CDH12: variants seen among roughly 807,000 people sequenced by gnomAD.
The protein encoded by CDH12 is cadherin 12, also known as cadherin-12.
Under a neutral mutation model 74.1 loss-of-function variants are expected in CDH12, and 41 were observed. That is an observed-to-expected ratio of 0.55 (90% CI 0.43 to 0.72). The LOEUF is 0.72. CDH12 is among the 30% of genes least tolerant of loss of function. CDH12 has a pLI of 0.00. For synonymous variants in CDH12, 399 were observed against 355.0 expected (o/e 1.12, Z -1.39); for missense variants, 945 against 977.2 (o/e 0.97, Z 0.44).
chr5:22,237,261 T>C (rs577007113), intron 3 of CDH12, among the ~76,000 whole-genome samples: 4 of 152,150 alleles, frequency 2.6e-5, no homozygotes, highest in Non-Finnish European at 5.9e-5. Flanking sequence ...TGTTATGTGG[T>C]GCATGACAGT....
chr5:22,848,896 CGTAA>C (rs756208703), intron 1 of CDH12, among the ~76,000 whole-genome samples: 1 of 151,674 alleles, frequency 6.6e-6, no homozygotes, highest in African/African-American at 2.4e-5. Context: ...TTATGCTGTA[CGTAA>C]GTGTGGATTT....
chr5:21,828,821 C>T (rs1235598455), intron 8 of CDH12, among the ~76,000 whole-genome samples: 1 of 151,514 alleles, frequency 6.6e-6, no homozygotes, highest in African/African-American at 2.4e-5. Context: ...CAACCTAAAG[C>T]CACATTTTGA....
In CDH12 at chr5:22,840,802, A is replaced by G. The variant is rs544484037; in HGVS notation, c.-523+12256T>C. 6.6e-4 allele frequency among the ~76,000 whole-genome samples: 101 copies of G among 152,308 alleles called. 1 individual carries two copies. Among genetic ancestry groups the G allele is most frequent in the African/African-American group, 2.1e-3 (87 of 41,562 alleles). On this transcript the variant is annotated intron_variant, in intron 1 of 14. Coordinates refer to ENST00000382254, the MANE Select transcript of CDH12 (RefSeq NM_004061.5). ...AATTTGCATATTAAATAGAGAGGAT[A>G]GCCTTCATAGAGAAGGGGGATTCAA...
At chr5:22,015,014 T>C (rs1737517961) in intron 5 of CDH12, among the ~76,000 whole-genome samples, 1 of 152,124 alleles carries the variant, frequency 6.6e-6, no homozygotes, top group Admixed American at 6.6e-5. Flanking sequence ...AATATTAAGA[T>C]ATTCTTCCCT....
rs982450500 is a variant in CDH12, at chr5:21,901,983, C to T, written c.527-47193G>A. On this transcript the variant is annotated intron_variant, in intron 6 of 14. Coordinates refer to ENST00000382254, the MANE Select transcript of CDH12 (RefSeq NM_004061.5). ...CTAGCCACTGTACGTGCAGAGATTA[C>T]AATAATAATCGTCATGTACTGCTCA... Among the ~76,000 whole-genome samples, 3 of 152,102 alleles carry T rather than the reference C, an allele frequency of 2.0e-5. No individual in the cohort carries two copies. In the East Asian group the frequency reaches 5.8e-4, roughly 29 times the overall value.
chr5:22,610,901 CT>C (rs1241723660), intron 1 of CDH12, among the ~76,000 whole-genome samples: 5 of 151,898 alleles, frequency 3.3e-5, no homozygotes, highest in African/African-American at 9.7e-5. Context: ...ACATGATATA[CT>C]CTTTGATAGA....
rs3039460 is a variant in CDH12 at position 22,460,713 on chromosome 5, A to ATTTTTTTT, written c.-428+44549_-428+44556dup. On this transcript the variant is annotated intron_variant, in intron 2 of 14. Transcript: ENST00000382254. ...AGAGAACAGTTGATGATATCTAGCA[A>ATTTTTTTT]TTTTTTTTTTTTTTTTTTTTTTTTT... Among the ~76,000 whole-genome samples the ATTTTTTTT allele has an allele frequency of 8.8e-3, 752 of 85,576 alleles. 63 individuals carry two copies. Among genetic ancestry groups the ATTTTTTTT allele is most frequent in the African/African-American group, 0.012 (239 of 19,760 alleles). The allele number at this position is 85,576 out of a possible 152,430, so 56.1% of individuals were successfully genotyped here.
At chr5:22,429,978 A>G (rs1744099772) in intron 2 of CDH12, among the ~76,000 whole-genome samples, 1 of 152,218 alleles carries the variant, frequency 6.6e-6, no homozygotes, top group Non-Finnish European at 1.5e-5. Context: ...ACTCAGTGTG[A>G]CAATACCTCC....
intron 4 of CDH12, among the ~76,000 whole-genome samples, chr5:22,191,799 C>G (rs1177025222): frequency 6.6e-6 from 1 of 151,810 alleles, no homozygotes; most frequent in Non-Finnish European, 1.5e-5. Flanking sequence ...CTCCTGACCT[C>G]GTGATCCGCC....
chr5:21,835,465 A>G (rs555135258), intron 8 of CDH12, among the ~76,000 whole-genome samples: 37 of 151,924 alleles, frequency 2.4e-4, no homozygotes, highest in Admixed American at 5.9e-4. Flanking sequence ...AAGACAGTCA[A>G]ACATTAAGTA....
chr5:21,914,129 CA>C (rs1167394499), intron 6 of CDH12, among the ~76,000 whole-genome samples: 21 of 152,160 alleles, frequency 1.4e-4, no homozygotes, highest in African/African-American at 4.8e-4. Flanking sequence ...CCTAAGATGG[CA>C]TAGACACTAT....
At chr5:22,601,446 T>C (rs149912199) in intron 1 of CDH12, among the ~76,000 whole-genome samples, 2 of 152,082 alleles carry the variant, frequency 1.3e-5, no homozygotes, top group East Asian at 3.9e-4. Context: ...GCAGAACTCA[T>C]AGAAAATTAA....
intron 8 of CDH12, among the ~76,000 whole-genome samples, chr5:21,833,684 C>T (rs71601515): frequency 0.071 from 9,044 of 127,626 alleles, 334 homozygotes; most frequent in East Asian, 0.16. Flanking sequence ...TGCTGGCTCA[C>T]CACAGTAAAC....
At chr5:21,818,595 A>ATC (rs1327296619) in intron 8 of CDH12, among the ~76,000 whole-genome samples, 1 of 151,886 alleles carries the variant, frequency 6.6e-6, no homozygotes, top group Non-Finnish European at 1.5e-5. Context: ...TTTAAATCCA[A>ATC]CATATTATCT....
chr5:22,127,918 GCA>G (rs1745976112), intron 4 of CDH12, among the ~76,000 whole-genome samples: 1 of 151,898 alleles, frequency 6.6e-6, no homozygotes, highest in Non-Finnish European at 1.5e-5. Context: ...ATGTGTAGGA[GCA>G]CATCCTTACT....
intron 1 of CDH12, among the ~76,000 whole-genome samples, chr5:22,717,445 C>A (rs755125188): frequency 7.2e-5 from 11 of 152,090 alleles, no homozygotes; most frequent in Non-Finnish European, 1.6e-4. Context: ...AAAATCCATT[C>A]TTTGATGTTC....
At chr5:22,699,938 G>T in intron 1 of CDH12, among the ~76,000 whole-genome samples, 1 of 152,110 alleles carries the variant, frequency 6.6e-6, no homozygotes, top group East Asian at 1.9e-4. Flanking sequence ...ACTTTGAGAG[G>T]CCGAGGCAGG....
At chr5:22,702,918 A>G (rs1318828223) in intron 1 of CDH12, among the ~76,000 whole-genome samples, 1 of 152,080 alleles carries the variant, frequency 6.6e-6, no homozygotes, top group African/African-American at 2.4e-5. Context: ...AAGTAAATAA[A>G]CTAACTTTTC....
chr5:22,100,640 T>C (rs1197782072), intron 4 of CDH12, among the ~76,000 whole-genome samples: 1 of 130,764 alleles, frequency 7.6e-6, no homozygotes, highest in East Asian at 2.3e-4. Flanking sequence ...ATCTACTATA[T>C]GCCATACATT....
Sources: allele counts gnomAD v4.1 joint callset (sites outside exome capture counted in the v4.1 genomes callset), GRCh38; gene constraint gnomAD v4.1.1; transcripts MANE v1.5; gene names NCBI Gene and HGNC (gene_info 2026-07-23, HGNC 2026-07-21).